HHLA2: variants seen among roughly 807,000 people sequenced by gnomAD.
HHLA2 encodes HHLA2 member of B7 family.
In HHLA2, 48 loss-of-function variants were observed where a neutral mutation model predicts 45.9. That is an observed-to-expected ratio of 1.05 (90% CI 0.83 to 1.33). HHLA2 has a LOEUF of 1.33. HHLA2 is among the 40% of genes most tolerant of loss of function. The probability of loss-of-function intolerance (pLI) is 0.00; values close to 1 mark genes in which losing one functional copy is unlikely to be tolerated. For missense variants in HHLA2, 462 were observed against 494.3 expected, an observed-to-expected ratio of 0.93 and a Z score of 0.62; for synonymous variants, 161 against 173.9, an observed-to-expected ratio of 0.93 and a Z score of 0.59.
At chr3:108,351,056 A>G (rs1021728604) in intron 3 of HHLA2, among the ~76,000 whole-genome samples, 2 of 152,228 alleles carry the variant, frequency 1.3e-5, no homozygotes, top group African/African-American at 2.4e-5. Context: ...TAAACAAGCT[A>G]TTTCTTACAG....
intron 2 of HHLA2, among the ~76,000 whole-genome samples, chr3:108,324,747 T>C (rs929143594): frequency 6.6e-6 from 1 of 152,242 alleles, no homozygotes; most frequent in Non-Finnish European, 1.5e-5. Flanking sequence ...ATTTTGTGTC[T>C]GACTTACTCC....
intron 1 of HHLA2, among the ~76,000 whole-genome samples, chr3:108,305,714 C>G (rs965300094): frequency 4.6e-5 from 7 of 152,162 alleles, no homozygotes; most frequent in Non-Finnish European, 8.8e-5. Flanking sequence ...GCAAATGACT[C>G]AACAGAGCCT....
rs183797162 is a variant in HHLA2 at position 108,328,289 on chromosome 3, C to A, written c.-85C>A. 3.3e-6 allele frequency: 5 copies of A among 1,524,510 alleles called. No individual in the cohort carries two copies. In the African/African-American group the frequency reaches 6.9e-5, roughly 21 times the overall value. 94.4% of individuals were successfully genotyped at this position (1,524,510 alleles called of 1,614,324 possible). A position where few individuals can be genotyped will look rare whatever the true frequency, so the allele number is the denominator to read the frequency against. On this transcript the variant is annotated 5_prime_UTR_variant, in exon 3 of 11. Coordinates refer to ENST00000619531, the Ensembl canonical transcript of HHLA2. ...ACACAGCATGTAGGAGAATACTAACCCTGCACAGATTGTGATGGTGATGTG... is the reference window on the plus strand; with the variant it reads ...ACACAGCATGTAGGAGAATACTAACACTGCACAGATTGTGATGGTGATGTG...
intron 3 of HHLA2, among the ~76,000 whole-genome samples, chr3:108,342,580 A>C (rs1192968649): frequency 6.6e-6 from 1 of 152,050 alleles, no homozygotes; most frequent in Non-Finnish European, 1.5e-5. Context: ...CCTTTTACTC[A>C]ACCACTGTAA....
At chr3:108,342,532 T>A (rs1440212006) in intron 3 of HHLA2, among the ~76,000 whole-genome samples, 19 of 152,196 alleles carry the variant, frequency 1.2e-4, no homozygotes, top group Admixed American at 1.2e-3. Flanking sequence ...CCCAAAGTGC[T>A]GGGATTACAG....
At chr3:108,297,432 A>G (rs2080778390) in intron 1 of HHLA2, among the ~76,000 whole-genome samples, 1 of 152,212 alleles carries the variant, frequency 6.6e-6, no homozygotes, top group Admixed American at 6.5e-5. Context: ...TCTAGAGTCA[A>G]GTAATCCTTG....
intron 7 of HHLA2, among the ~76,000 whole-genome samples, chr3:108,359,569 C>A (rs2081954296): frequency 6.6e-6 from 1 of 152,184 alleles, no homozygotes; most frequent in African/African-American, 2.4e-5. Flanking sequence ...TTGCACCAAG[C>A]TGAATGGAAT....
At chr3:108,300,469 T>G (rs1374586509) in intron 1 of HHLA2, among the ~76,000 whole-genome samples, 1 of 151,986 alleles carries the variant, frequency 6.6e-6, no homozygotes, top group Non-Finnish European at 1.5e-5. Flanking sequence ...GATGGGTAGA[T>G]TAGGAATATA....
chr3:108,369,692 C>T (rs931441328), intron 8 of HHLA2, among the ~76,000 whole-genome samples: 2 of 152,158 alleles, frequency 1.3e-5, no homozygotes, highest in African/African-American at 2.4e-5. Context: ...GAGGGTCCTA[C>T]ACCCACGGAG....
At chr3:108,353,506 T>C (rs762041589) in exon 5 of HHLA2, 2 of 1,610,532 alleles carry the variant, frequency 1.2e-6, no homozygotes, top group South Asian at 2.2e-5. Context: ...AAGATATAAT[T>C]CTCCCTTCTT....
At chr3:108,374,459 A>G (rs1414827926) in intron 8 of HHLA2, among the ~76,000 whole-genome samples, 3 of 149,682 alleles carry the variant, frequency 2.0e-5, no homozygotes, top group East Asian at 2.0e-4. Context: ...CAATGGCAAC[A>G]AAAGACAAAA....
At chr3:108,370,698 G>T (rs1163280788) in intron 8 of HHLA2, among the ~76,000 whole-genome samples, 2 of 152,206 alleles carry the variant, frequency 1.3e-5, no homozygotes, top group Non-Finnish European at 2.9e-5. Flanking sequence ...CTCAGTAGCT[G>T]ATTCGATCAA....
At chr3:108,339,046 T>C (rs1045951139) in intron 3 of HHLA2, among the ~76,000 whole-genome samples, 1 of 152,210 alleles carries the variant, frequency 6.6e-6, no homozygotes, top group Non-Finnish European at 1.5e-5. Context: ...TGTTAATAAT[T>C]AATGGAATGC....
chr3:108,372,537 G>A (rs1261854766), intron 8 of HHLA2, among the ~76,000 whole-genome samples: 2 of 150,134 alleles, frequency 1.3e-5, no homozygotes, highest in Non-Finnish European at 1.5e-5. Context: ...ATGAATCCAG[G>A]AGCTGGTTTT....
intron 2 of HHLA2, among the ~76,000 whole-genome samples, chr3:108,315,013 C>A (rs538010874): frequency 6.6e-6 from 1 of 152,292 alleles, no homozygotes; most frequent in African/African-American, 2.4e-5. Context: ...AAGCTCCGGG[C>A]CAAAATTTAT....
At chr3:108,306,698 C>A (rs1450925343) in intron 1 of HHLA2, among the ~76,000 whole-genome samples, 1 of 152,120 alleles carries the variant, frequency 6.6e-6, no homozygotes, top group Non-Finnish European at 1.5e-5. Context: ...GTTAGGCCAA[C>A]TTTTTTAACA....
chr3:108,308,938 AT>A (rs1415221125), intron 1 of HHLA2, among the ~76,000 whole-genome samples: 2 of 151,804 alleles, frequency 1.3e-5, no homozygotes, highest in Non-Finnish European at 2.9e-5. Flanking sequence ...GTTTGCAAAT[AT>A]TTTCTCCCAT....
intron 1 of HHLA2, among the ~76,000 whole-genome samples, chr3:108,301,195 C>T (rs1332114605): frequency 6.6e-6 from 1 of 152,080 alleles, no homozygotes; most frequent in Non-Finnish European, 1.5e-5. Context: ...ACATTATATC[C>T]TAAGTGTGCT....
chr3:108,346,281 T>A (rs1353060596), intron 3 of HHLA2, among the ~76,000 whole-genome samples: 1 of 152,194 alleles, frequency 6.6e-6, no homozygotes, highest in Non-Finnish European at 1.5e-5. Context: ...AGAGATATTT[T>A]GAGTAAAGAG....
Sources: gnomAD v4.1 joint callset for allele counts (sites outside exome capture counted in the v4.1 genomes callset) on GRCh38, gnomAD v4.1.1 for gene constraint, MANE v1.5 for transcripts, NCBI Gene and HGNC (gene_info 2026-07-23, HGNC 2026-07-21) for gene names.